Variants in LAYN observed in about 807,000 individuals in gnomAD.
The protein encoded by LAYN is layilin.
Under a neutral mutation model 43.6 loss-of-function variants are expected in LAYN, and 38 were observed. That is an observed-to-expected ratio of 0.87 (90% CI 0.67 to 1.14). The LOEUF (loss-of-function observed/expected upper bound fraction) is 1.14. Ranked by LOEUF, LAYN falls within the 50% of genes most tolerant of loss-of-function variation. The pLI, the probability that LAYN is intolerant of heterozygous loss-of-function variation, is 0.00. For missense variants in LAYN, 479 were observed against 463.8 expected (o/e 1.03, Z -0.30); for synonymous variants, 168 against 172.9 (o/e 0.97, Z 0.22).
chr11:111,540,467 AG>A, upstream of LAYN: 1 of 304,554 alleles, frequency 3.3e-6, no homozygotes, highest in Non-Finnish European at 6.1e-6. Flanking sequence ...CAGATTGCCT[AG>A]GGGCCCGACT....
At chr11:111,556,230 G>T (rs1454523362) in intron 5 of LAYN, among the ~76,000 whole-genome samples, 2 of 152,200 alleles carry the variant, frequency 1.3e-5, no homozygotes, top group Non-Finnish European at 2.9e-5. Flanking sequence ...ACACACAGCA[G>T]GACGTCTGGG....
chr11:111,545,411 C>T lies in LAYN; in HGVS notation c.383+1191C>T, dbSNP rs114220458. On this transcript the variant is annotated intron_variant, in intron 2 of 6. Coordinates refer to ENST00000375614, the MANE Select transcript of LAYN (RefSeq NM_178834.5). ...GAATCTGGGGTCCTAGTTGCCTTGCCCTTATCATGCTAGAGTTAGTGCACT... is the reference window on the plus strand; with the variant it reads ...GAATCTGGGGTCCTAGTTGCCTTGCTCTTATCATGCTAGAGTTAGTGCACT... Among the ~76,000 whole-genome samples the T allele has an allele frequency of 5.8e-3, 880 of 152,228 alleles. 12 individuals carry two copies. Among genetic ancestry groups the T allele is most frequent in the African/African-American group, 0.02 (842 of 41,512 alleles).
At chr11:111,540,528 A>T, upstream of LAYN, 1 of 432,140 alleles carries the variant, frequency 2.3e-6, no homozygotes, top group Non-Finnish European at 4.1e-6. Context: ...TCTCCCAGGG[A>T]AGCTCGGAGG....
At chr11:111,549,402 A>G (rs2135795960) in intron 2 of LAYN, among the ~76,000 whole-genome samples, 1 of 152,304 alleles carries the variant, frequency 6.6e-6, no homozygotes. Flanking sequence ...CTGCAAAGAG[A>G]TTGTGGCAAA....
intron 1 of LAYN, chr11:111,541,520 G>T (rs1266848469): frequency 1.3e-6 from 2 of 1,533,880 alleles, no homozygotes; most frequent in Non-Finnish European, 1.7e-6. Context: ...CTGACTCCGG[G>T]GAATGACTCT....
At chr11:111,541,845 C>A (rs1299427782) in intron 1 of LAYN, among the ~76,000 whole-genome samples, 1 of 152,164 alleles carries the variant, frequency 6.6e-6, no homozygotes, top group East Asian at 1.9e-4. Context: ...TGCGTGGGCT[C>A]TGTCCTTGGT....
At chr11:111,546,654 T>C (rs1224797655) in intron 2 of LAYN, among the ~76,000 whole-genome samples, 2 of 152,244 alleles carry the variant, frequency 1.3e-5, no homozygotes, top group African/African-American at 4.8e-5. Flanking sequence ...TACCTGCTTA[T>C]GCAGTGCTCT....
chr11:111,542,114 G>T (rs11605905), intron 1 of LAYN, among the ~76,000 whole-genome samples: 2 of 152,216 alleles, frequency 1.3e-5, no homozygotes, highest in African/African-American at 2.4e-5. Context: ...ATGTTATGCC[G>T]GTGGCCAGGT....
chr11:111,550,851 TC>T (rs1310528931), intron 3 of LAYN, among the ~76,000 whole-genome samples: 3 of 152,250 alleles, frequency 2.0e-5, no homozygotes, highest in Non-Finnish European at 4.4e-5. Context: ...TTTTTGCACT[TC>T]CTTTAACAGT....
intron 4 of LAYN, 44 bp downstream of exon 4, chr11:111,554,637 T>TGAAAC: frequency 1.3e-6 from 2 of 1,515,010 alleles, no homozygotes; most frequent in Non-Finnish European, 1.8e-6. Flanking sequence ...GGCTGTTTCA[T>TGAAAC]AGCCCCTCTT....
intron 4 of LAYN, among the ~76,000 whole-genome samples, chr11:111,554,950 AT>A (rs1048551016): frequency 6.6e-6 from 1 of 152,170 alleles, no homozygotes; most frequent in Non-Finnish European, 1.5e-5. Flanking sequence ...ACACCTTGGT[AT>A]TTTATGTACC....
chr11:111,557,409 A>AT, intron 5 of LAYN, 132 bp from the exon 6 acceptor site: 1 of 725,920 alleles, frequency 1.4e-6, no homozygotes, highest in Non-Finnish European at 2.4e-6. Context: ...TTGTTTTTTA[A>AT]TTTTTTAATT....
At chr11:111,542,623 T>G (rs1460460902) in intron 1 of LAYN, among the ~76,000 whole-genome samples, 2 of 152,206 alleles carry the variant, frequency 1.3e-5, no homozygotes, top group Non-Finnish European at 2.9e-5. Flanking sequence ...ATTCCAGAAG[T>G]TCTGGGAGGA....
chr11:111,548,267 G>A (rs879382433), intron 2 of LAYN, among the ~76,000 whole-genome samples: 4 of 152,174 alleles, frequency 2.6e-5, no homozygotes, highest in Non-Finnish European at 5.9e-5. Flanking sequence ...AGGGAAAAAC[G>A]GGAAGTTATT....
Position 111,560,186 on chromosome 11 carries a change from A to G in LAYN, c.853A>G (p.Asn285Asp). Residue 285 changes from asparagine (N) to aspartate (D), a missense_variant, in exon 7 of 7, where the codon AAT becomes GAT. By Grantham distance (23) the Asn-to-Asp change is conservative. Coordinates refer to ENST00000375614, the MANE Select transcript of LAYN (RefSeq NM_178834.5). ...QGNSPDLEVY[N>D]VIRKQSEADL... The stretch of plus-strand genomic sequence containing the variant: ...AAACAGCCCGGACCTAGAGGTCTAC[A>G]ATGTCATAAGAAAACAAAGCGAAGC... 4 of 1,614,212 alleles carry G rather than the reference A, an allele frequency of 2.5e-6. No homozygotes were observed. Among genetic ancestry groups the G allele is most frequent in the East Asian group, 2.2e-5 (1 of 44,886 alleles).
chr11:111,542,315 T>C (rs907962373), intron 1 of LAYN, among the ~76,000 whole-genome samples: 2 of 152,226 alleles, frequency 1.3e-5, no homozygotes, highest in African/African-American at 4.8e-5. Context: ...CCAGTCTAAT[T>C]AGAGTTTCTC....
upstream of LAYN, chr11:111,540,470 G>T: frequency 3.2e-6 from 1 of 316,644 alleles, no homozygotes; most frequent in Non-Finnish European, 5.9e-6. Context: ...ATTGCCTAGG[G>T]GCCCGACTGA....
chr11:111,548,897 A>G (rs550144458), intron 2 of LAYN, among the ~76,000 whole-genome samples: 4 of 152,158 alleles, frequency 2.6e-5, no homozygotes, highest in Non-Finnish European at 4.4e-5. Context: ...CACATATCCA[A>G]CTGGGTGGCA....
At chr11:111,543,871 C>T in intron 1 of LAYN, 52 bp from the exon 2 acceptor site, 4 of 1,530,314 alleles carry the variant, frequency 2.6e-6, no homozygotes, top group Non-Finnish European at 3.5e-6. Context: ...CGTATCCCTG[C>T]CCCGGTATAC....
Sources: gnomAD v4.1 joint callset for allele counts (sites outside exome capture counted in the v4.1 genomes callset) on GRCh38, gnomAD v4.1.1 for gene constraint, MANE v1.5 for transcripts, NCBI Gene and HGNC (gene_info 2026-07-23, HGNC 2026-07-21) for gene names.